MARCHF11: variants seen among roughly 807,000 people sequenced by gnomAD.
MARCHF11 encodes the protein E3 ubiquitin-protein ligase MARCHF11.
Under a neutral mutation model 37.3 loss-of-function variants are expected in MARCHF11, and 29 were observed. The observed-to-expected ratio is 0.78, with a 90% CI of 0.58 to 1.06. The LOEUF is 1.06. Ranked by LOEUF, MARCHF11 falls within the 50% of genes least tolerant of loss-of-function variation. The probability of loss-of-function intolerance (pLI) is 0.00; values close to 1 mark genes in which losing one functional copy is unlikely to be tolerated. For synonymous variants in MARCHF11, 233 were observed against 228.0 expected (o/e 1.02, Z -0.20); for missense variants, 482 against 533.4 (o/e 0.90, Z 0.95).
rs116600685 is a variant in MARCHF11 at position 16,138,200 on chromosome 5, G to A, written c.693+39526C>T. Among the ~76,000 whole-genome samples the A allele has an allele frequency of 3.5e-3, 534 of 152,236 alleles. 1 individual carries two copies. Among genetic ancestry groups the A allele is most frequent in the African/African-American group, 0.012 (514 of 41,554 alleles). On this transcript the variant is annotated intron_variant, in intron 2 of 3. Coordinates refer to ENST00000332432, the MANE Select transcript of MARCHF11 (RefSeq NM_001102562.3). ...CATCACAAGCCAGGAGGCCTAGGAT[G>A]GAAAAATGGTTACATCAGCGGAGCT...
intron 2 of MARCHF11, among the ~76,000 whole-genome samples, chr5:16,172,730 T>C (rs933396106): frequency 6.6e-6 from 1 of 152,214 alleles, no homozygotes; most frequent in Non-Finnish European, 1.5e-5. Context: ...CAATCAGTTC[T>C]GAAGGTGGAA....
At chr5:16,122,281 A>G (rs375255277) in intron 2 of MARCHF11, among the ~76,000 whole-genome samples, 2 of 152,232 alleles carry the variant, frequency 1.3e-5, no homozygotes, top group East Asian at 3.9e-4. Context: ...CTGAGTCTGG[A>G]CAGAAAAAGG....
intron 2 of MARCHF11, among the ~76,000 whole-genome samples, chr5:16,097,501 A>C (rs1736890951): frequency 6.6e-6 from 1 of 152,142 alleles, no homozygotes; most frequent in South Asian, 2.1e-4. Context: ...CAGTTAGTTA[A>C]ATGAAAGAGG....
At chr5:16,118,479 CGAG>C (rs1265431628) in intron 2 of MARCHF11, among the ~76,000 whole-genome samples, 1 of 152,032 alleles carries the variant, frequency 6.6e-6, no homozygotes, top group African/African-American at 2.4e-5. Context: ...TGCACTGAGA[CGAG>C]GAGATCGGAG....
At chr5:16,172,572 T>C (rs1738288011) in intron 2 of MARCHF11, among the ~76,000 whole-genome samples, 1 of 152,194 alleles carries the variant, frequency 6.6e-6, no homozygotes, top group Non-Finnish European at 1.5e-5. Flanking sequence ...AGCCATGAAA[T>C]GCAAATGTCT....
chr5:16,119,183 T>C (rs1298325246), intron 2 of MARCHF11, among the ~76,000 whole-genome samples: 2 of 151,736 alleles, frequency 1.3e-5, no homozygotes, highest in African/African-American at 4.8e-5. Flanking sequence ...GCCAACATGG[T>C]GAAAACCCAT....
intron 2 of MARCHF11, among the ~76,000 whole-genome samples, chr5:16,093,670 G>A (rs926415740): frequency 5.3e-5 from 8 of 152,130 alleles, no homozygotes; most frequent in Non-Finnish European, 1.2e-4. Context: ...GACGCTTCAC[G>A]CTTGTTTTGG....
intron 2 of MARCHF11, among the ~76,000 whole-genome samples, chr5:16,170,176 C>A (rs866200785): frequency 2.0e-5 from 3 of 152,122 alleles, no homozygotes; most frequent in Non-Finnish European, 4.4e-5. Context: ...CTCTTAGCAG[C>A]TCATCTATAT....
At chr5:16,101,237 T>C (rs1736951727) in intron 2 of MARCHF11, among the ~76,000 whole-genome samples, 1 of 152,154 alleles carries the variant, frequency 6.6e-6, no homozygotes, top group Admixed American at 6.5e-5. Flanking sequence ...GAAATAAAAA[T>C]GCATTTTAGG....
At chr5:16,103,201 G>A (rs1236897947) in intron 2 of MARCHF11, among the ~76,000 whole-genome samples, 3 of 152,030 alleles carry the variant, frequency 2.0e-5, no homozygotes, top group African/African-American at 4.8e-5. Flanking sequence ...GGTGCTTGAC[G>A]AATGGAGAAA....
At chr5:16,139,050 T>G (rs1252873761) in intron 2 of MARCHF11, among the ~76,000 whole-genome samples, 1 of 152,188 alleles carries the variant, frequency 6.6e-6, no homozygotes, top group Non-Finnish European at 1.5e-5. Flanking sequence ...TTTGTGGGGC[T>G]GTTGGGAAGG....
chr5:16,175,516 G>T (rs1738341463), intron 2 of MARCHF11, among the ~76,000 whole-genome samples: 1 of 152,116 alleles, frequency 6.6e-6, no homozygotes, highest in South Asian at 2.1e-4. Flanking sequence ...TACTAGATAG[G>T]TACCTAGTAG....
intron 2 of MARCHF11, among the ~76,000 whole-genome samples, chr5:16,112,986 C>T (rs138438092): frequency 1.3e-5 from 2 of 152,042 alleles, no homozygotes; most frequent in Non-Finnish European, 2.9e-5. Context: ...TCTTTTTCGT[C>T]GTAAATTACC....
intron 2 of MARCHF11, among the ~76,000 whole-genome samples, chr5:16,139,815 A>T (rs1236528258): frequency 6.6e-6 from 1 of 152,200 alleles, no homozygotes; most frequent in Non-Finnish European, 1.5e-5. Flanking sequence ...AGAAATAAGA[A>T]TAAAATTACC....
chr5:16,163,336 T>C (rs758691912), intron 2 of MARCHF11, among the ~76,000 whole-genome samples: 15 of 151,934 alleles, frequency 9.9e-5, no homozygotes, highest in Non-Finnish European at 1.9e-4. Flanking sequence ...CATAAATTCA[T>C]AGGTTAACAG....
At chr5:16,178,745 G>A (rs1472649214) in intron 1 of MARCHF11, among the ~76,000 whole-genome samples, 2 of 152,196 alleles carry the variant, frequency 1.3e-5, no homozygotes, top group African/African-American at 4.8e-5. Flanking sequence ...ATTCACAAAA[G>A]CCGCTTTTGG....
intron 2 of MARCHF11, among the ~76,000 whole-genome samples, chr5:16,147,929 G>T (rs1029996051): frequency 1.3e-5 from 2 of 152,094 alleles, no homozygotes; most frequent in Admixed American, 1.3e-4. Context: ...CACTTCCAAT[G>T]AGATGAATGA....
chr5:16,089,973 A>G (rs1232423993), intron 3 of MARCHF11, among the ~76,000 whole-genome samples: 2 of 152,170 alleles, frequency 1.3e-5, no homozygotes, highest in African/African-American at 4.8e-5. Context: ...CATCCGCTGA[A>G]GCTGGTAGTC....
intron 2 of MARCHF11, among the ~76,000 whole-genome samples, chr5:16,134,998 TCACACACACA>T (rs1553996992): frequency 1.4e-5 from 2 of 143,704 alleles, no homozygotes; most frequent in Non-Finnish European, 3.0e-5. Flanking sequence ...TCTCTCTCTC[TCACACACACA>T]CACACACACA....
Sources: allele counts gnomAD v4.1 joint callset (sites outside exome capture counted in the v4.1 genomes callset), GRCh38; gene constraint gnomAD v4.1.1; transcripts MANE v1.5; gene names NCBI Gene and HGNC (gene_info 2026-07-23, HGNC 2026-07-21).